FMO3: variants seen among roughly 807,000 people sequenced by gnomAD.
FMO3 encodes the protein flavin-containing monooxygenase 3.
In FMO3, 40 loss-of-function variants were observed where a neutral mutation model predicts 39.4. That is an observed-to-expected ratio of 1.02 (90% CI 0.79 to 1.32). The LOEUF (loss-of-function observed/expected upper bound fraction) is 1.32, where lower values mean the gene tolerates loss of function less well. Ranked by LOEUF, FMO3 falls within the 40% of genes most tolerant of loss-of-function variation. FMO3 has a pLI of 0.00. For synonymous variants in FMO3, 219 were observed against 228.8 expected, an observed-to-expected ratio of 0.96 and a Z score of 0.39; for missense variants, 680 against 651.8, an observed-to-expected ratio of 1.04 and a Z score of -0.47.
chr1:171,099,125 A>G (rs959571252), intron 2 of FMO3, among the ~76,000 whole-genome samples: 2 of 152,128 alleles, frequency 1.3e-5, no homozygotes, highest in South Asian at 4.1e-4. Flanking sequence ...TTCAAAGAAC[A>G]TCTTTATTTC....
chr1:171,096,080 A>AC (rs1557933411), intron 2 of FMO3, among the ~76,000 whole-genome samples: 1 of 69,210 alleles, frequency 1.4e-5, no homozygotes, highest in Non-Finnish European at 2.5e-5. Flanking sequence ...ATTAATATAT[A>AC]ATATATATTA....
intron 7 of FMO3, among the ~76,000 whole-genome samples, chr1:171,114,662 CT>C: frequency 6.6e-6 from 1 of 152,122 alleles, no homozygotes; most frequent in Non-Finnish European, 1.5e-5. Flanking sequence ...CCACTTAAGA[CT>C]AAGTGAATGA....
At chr1:171,098,711 A>G (rs1655220655) in intron 2 of FMO3, among the ~76,000 whole-genome samples, 1 of 152,190 alleles carries the variant, frequency 6.6e-6, no homozygotes, top group Admixed American at 6.5e-5. Flanking sequence ...GGGGTTTTCT[A>G]GATATACAAT....
intron 1 of FMO3, 127 bp from the exon 2 acceptor site, chr1:171,092,526 C>A: frequency 9.2e-7 from 1 of 1,083,178 alleles, no homozygotes; most frequent in Non-Finnish European, 1.4e-6. Flanking sequence ...CTACCATACT[C>A]AGCCAGTGTT....
rs1491505210 is a variant in FMO3, at chr1:171,096,071, T to TAAATATA, written c.132+3281_132+3282insAAATATA. ...ATAAATATATAATATATATTATATA[T>TAAATATA]TAATATATAATATATATTAATATTT... On this transcript the variant is annotated intron_variant, in intron 2 of 8. Transcript: ENST00000367755. Among the ~76,000 whole-genome samples, 4 of 53,650 alleles carry TAAATATA rather than the reference T, an allele frequency of 7.5e-5. 1 individual carries two copies. The highest frequency in any genetic ancestry group is 3.4e-4 in the Admixed American group (1 of 2,956). 35.2% of individuals were successfully genotyped at this position (53,650 alleles called of 152,430 possible).
intron 2 of FMO3, chr1:171,099,659 C>T (rs1161850373): frequency 6.6e-6 from 1 of 151,332 alleles, no homozygotes; most frequent in Non-Finnish European, 1.5e-5. Flanking sequence ...GAGAAAAGAT[C>T]CCAATTCAAG....
intron 2 of FMO3, among the ~76,000 whole-genome samples, chr1:171,096,391 A>G (rs1249183494): frequency 3.0e-5 from 3 of 101,578 alleles, no homozygotes; most frequent in African/African-American, 8.3e-5. Flanking sequence ...TATATGTTAT[A>G]TATAATTACA....
intron 3 of FMO3, among the ~76,000 whole-genome samples, chr1:171,105,570 T>A (rs1208289792): frequency 1.3e-5 from 2 of 152,146 alleles, no homozygotes. Flanking sequence ...GACTTTTTAA[T>A]GATCGCCATT....
At position 171,114,309 on chromosome 1, in the gene FMO3, C is replaced by G; in HGVS notation, c.1130C>G (p.Ala377Gly). ...ATTGGCTTTGTCCAGTCCCTTGGGGCTGCCATTCCCACAGTTGACCTCCAG... is the reference window on the plus strand; with the variant it reads ...ATTGGCTTTGTCCAGTCCCTTGGGGGTGCCATTCCCACAGTTGACCTCCAG... ...AVIGFVQSLG[A>G]AIPTVDLQSR... Residue 377 changes from alanine to glycine, a missense_variant, in exon 7 of 9, where the codon GCT becomes GGT. Coordinates refer to ENST00000367755, the MANE Select transcript of FMO3 (RefSeq NM_001002294.3). 6.2e-7 allele frequency: 1 copy of G among 1,613,918 alleles called. No individual in the cohort carries two copies.
chr1:171,105,535 T>A (rs1490835678), intron 3 of FMO3, among the ~76,000 whole-genome samples: 1 of 152,044 alleles, frequency 6.6e-6, no homozygotes, highest in African/African-American at 2.4e-5. Context: ...TTTCTCCACA[T>A]CCTCTCCAGC....
Position 171,110,660 on chromosome 1 carries a change from A to C in FMO3, c.628-138A>C, listed in dbSNP as rs1655863842. On this transcript the variant is annotated intron_variant, in intron 5 of 8. Coordinates refer to ENST00000367755, the MANE Select transcript of FMO3 (RefSeq NM_001002294.3). ...CCAAAGCAATGGTCAAAAAGGACTGACAGCTGAGAGATGTCTTCTGACACC... is the reference window on the plus strand; with the variant it reads ...CCAAAGCAATGGTCAAAAAGGACTGCCAGCTGAGAGATGTCTTCTGACACC... 3 of 790,108 alleles carry C rather than the reference A, an allele frequency of 3.8e-6. No individual in the cohort carries two copies. In the African/African-American group the frequency reaches 5.1e-5, roughly 13 times the overall value. 48.9% of individuals were successfully genotyped at this position (790,108 alleles called of 1,614,324 possible). A position where few individuals can be genotyped will look rare whatever the true frequency, so the allele number is the denominator to read the frequency against.
chr1:171,104,945 A>C (rs1655574049), intron 3 of FMO3, among the ~76,000 whole-genome samples: 1 of 152,126 alleles, frequency 6.6e-6, no homozygotes, highest in Non-Finnish European at 1.5e-5. Context: ...GCACAAATAA[A>C]TAATATTGCG....
chr1:171,101,748 C>T, intron 2 of FMO3: 1 of 518,048 alleles, frequency 1.9e-6, no homozygotes, highest in Non-Finnish European at 4.0e-6. Flanking sequence ...TCACCCAGAT[C>T]TGCGGCCTAA....
chr1:171,117,249 AC>A lies in FMO3; in HGVS notation c.1408del (p.Gln470SerfsTer18). 1 of 1,614,128 alleles carries A rather than the reference AC, an allele frequency of 6.2e-7. No individual in the cohort carries two copies. The highest frequency in any genetic ancestry group is 2.2e-5 in the East Asian group (1 of 44,870). The part of the protein sequence containing the change: ...MEVYFGPCSP[Y>X]QFRLVGPGQW... Reference sequence around the variant, plus strand: ...GTTTATTTTGGCCCTTGTAGTCCCTACCAGTTTAGGCTGGTGGGCCCAGGGC... The same window carrying A: ...GTTTATTTTGGCCCTTGTAGTCCCTACAGTTTAGGCTGGTGGGCCCAGGGC... On this transcript the variant is annotated frameshift_variant, in exon 9 of 9. Coordinates refer to ENST00000367755, the MANE Select transcript of FMO3 (RefSeq NM_001002294.3). LOFTEE classifies it low-confidence loss of function (END_TRUNC).
chr1:171,114,344 G>T lies in FMO3; in HGVS notation c.1165G>T (p.Ala389Ser). The T allele has an allele frequency of 6.2e-7, 1 of 1,613,208 alleles. No homozygotes were observed. The highest frequency in any genetic ancestry group is 8.5e-7 in the Non-Finnish European group (1 of 1,179,442). Residue 389 changes from alanine to serine, a missense_variant, in exon 7 of 9, where the codon GCA (alanine) becomes TCA (serine). Transcript: ENST00000367755. The stretch of plus-strand genomic sequence containing the variant: ...CACAGTTGACCTCCAGTCCCGCTGG[G>T]CAGCACAAGTAATAAAGGGTAAGTC... ...IPTVDLQSRW[A>S]AQVIKGTCTL...
chr1:171,111,811 T>C (rs1557944863), intron 6 of FMO3, among the ~76,000 whole-genome samples: 1 of 152,208 alleles, frequency 6.6e-6, no homozygotes, highest in Admixed American at 6.5e-5. Context: ...GTGGATATAG[T>C]AGTGGACAAA....
intron 5 of FMO3, 142 bp downstream of exon 5, chr1:171,108,363 C>A: frequency 1.1e-6 from 1 of 920,298 alleles, no homozygotes; most frequent in Non-Finnish European, 1.7e-6. Flanking sequence ...GCTGAGCTTC[C>A]CCAAGTAACA....
chr1:171,091,921 G>T (rs1009317472), intron 1 of FMO3, among the ~76,000 whole-genome samples: 8 of 152,074 alleles, frequency 5.3e-5, no homozygotes, highest in Non-Finnish European at 7.4e-5. Context: ...GTATGACTGT[G>T]TGTGTGTATA....
intron 2 of FMO3, 146 bp from the exon 3 acceptor site, chr1:171,103,639 G>A: frequency 1.4e-6 from 1 of 714,204 alleles, no homozygotes; most frequent in Non-Finnish European, 2.5e-6. Context: ...TAAGAGACTT[G>A]AGCATTCGTA....
Sources: gnomAD v4.1 joint callset for allele counts (sites outside exome capture counted in the v4.1 genomes callset) on GRCh38, gnomAD v4.1.1 for gene constraint, MANE v1.5 for transcripts, NCBI Gene and HGNC (gene_info 2026-07-23, HGNC 2026-07-21) for gene names.